Variants in EMID1 observed in about 807,000 individuals in gnomAD.
The protein encoded by EMID1 is EMI domain-containing protein 1.
In EMID1, 40 loss-of-function variants were observed where a neutral mutation model predicts 60.6. The observed-to-expected ratio is 0.66, with a 90% confidence interval of 0.51 to 0.86. EMID1 has a LOEUF of 0.86. EMID1 is among the 40% of genes least tolerant of loss of function. EMID1 has a pLI of 0.00. For missense variants in EMID1, 585 were observed against 597.1 expected (o/e 0.98, Z 0.21); for synonymous variants, 242 against 231.0 (o/e 1.05, Z -0.43).
At chr22:29,229,832 T>C (rs1227563850) in intron 5 of EMID1, among the ~76,000 whole-genome samples, 1 of 152,186 alleles carries the variant, frequency 6.6e-6, no homozygotes, top group Non-Finnish European at 1.5e-5. Flanking sequence ...TGGTTCAGGA[T>C]CTGCCAGAGA....
intron 4 of EMID1, among the ~76,000 whole-genome samples, 166 bp downstream of exon 4, chr22:29,225,382 C>T (rs2040465917): frequency 6.6e-6 from 1 of 152,200 alleles, no homozygotes; most frequent in South Asian, 2.1e-4. Context: ...AAAGTTGCTT[C>T]AAGGGGCACA....
Position 29,225,222 on chromosome 22 carries a change from T to G in EMID1, c.403+6T>G. 6.2e-7 allele frequency: 1 copy of G among 1,613,126 alleles called. No homozygotes were observed. Among genetic ancestry groups the G allele is most frequent in the Non-Finnish European group, 8.5e-7 (1 of 1,179,710 alleles). On this transcript the variant is annotated splice_donor_region_variant and intron_variant, in intron 4 of 14. Transcript: ENST00000334018. ...TCGGCCCACAGCCTTCTCAGGTGGG[T>G]CCTGGGATAGCTTCTTGAGGTCCCC...
At chr22:29,231,844 A>G in intron 7 of EMID1, 162 bp downstream of exon 7, 1 of 646,852 alleles carries the variant, frequency 1.5e-6, no homozygotes, top group Non-Finnish European at 2.5e-6. Flanking sequence ...CCTGGGCTCC[A>G]TGAAGTCCTC....
intron 13 of EMID1, among the ~76,000 whole-genome samples, chr22:29,244,662 GAAAAT>G (rs1472019358): frequency 5.5e-5 from 8 of 145,416 alleles, no homozygotes; most frequent in East Asian, 2.1e-4. Flanking sequence ...GAAAAGAAAA[GAAAAT>G]AGAAACCTTC....
rs1373393157 is a variant in EMID1 at position 29,214,902 on chromosome 22, T to A, written c.102-24T>A. ...AGGGGACCCTGTGTGGTACCTGAGT[T>A]TCCTCTCTTTGGGTCTGTTTCAGGA... is the stretch of plus-strand genomic sequence containing the variant. On this transcript the variant is annotated intron_variant, in intron 1 of 14. Transcript: ENST00000334018. The A allele has an allele frequency of 2.0e-6, 3 of 1,487,790 alleles. No homozygotes were observed. In the African/African-American group the frequency reaches 4.2e-5, roughly 21 times the overall value. The allele number at this position is 1,487,790 out of a possible 1,614,324, so 92.2% of individuals were successfully genotyped here.
chr22:29,259,099 C>A lies in EMID1; in HGVS notation c.*155C>A. 1 of 1,164,970 alleles carries A rather than the reference C, an allele frequency of 8.6e-7. No individual in the cohort carries two copies. Among genetic ancestry groups the A allele is most frequent in the Non-Finnish European group, 1.2e-6 (1 of 845,452 alleles). 72.2% of individuals were successfully genotyped at this position (1,164,970 alleles called of 1,614,324 possible). A position where few individuals can be genotyped will look rare whatever the true frequency, so the allele number is the denominator to read the frequency against. On this transcript the variant is annotated 3_prime_UTR_variant, in exon 15 of 15. Coordinates refer to ENST00000334018, the MANE Select transcript of EMID1 (RefSeq NM_133455.4). Reference sequence around the variant, plus strand: ...AGGGGTAAGCAGGTCTCAGTCCTGGCACCATGCACATGTCTGAGGCTGAGC... The same window carrying A: ...AGGGGTAAGCAGGTCTCAGTCCTGGAACCATGCACATGTCTGAGGCTGAGC...
Position 29,215,019 on chromosome 22 carries a change from C to T in EMID1, c.195C>T (p.Pro65=), listed in dbSNP as rs2146143120. The change falls in exon 2 of 15, where the codon CCC becomes CCT. Residue 65 remains proline (P), a synonymous_variant. Transcript: ENST00000334018. Reference sequence around the variant, plus strand: ...GAGTGCTGCAGAACTGCCCCTGGCCCATGAGCTGTCCGGGGAGCAGGTAAA... The same window carrying T: ...GAGTGCTGCAGAACTGCCCCTGGCCTATGAGCTGTCCGGGGAGCAGGTAAA... ...LQRVLQNCPW[P]MSCPGSSYRT... 3.9e-6 allele frequency: 6 copies of T among 1,546,326 alleles called. No individual in the cohort carries two copies. The South Asian group carries it at 6.0e-5, about 15-fold the overall frequency.
chr22:29,248,586 A>G (rs2041413493), intron 13 of EMID1, among the ~76,000 whole-genome samples: 1 of 152,144 alleles, frequency 6.6e-6, no homozygotes, highest in African/African-American at 2.4e-5. Flanking sequence ...GCTCACATCT[A>G]TAATCCCAGC....
At chr22:29,241,661 T>A (rs1372977236) in intron 12 of EMID1, among the ~76,000 whole-genome samples, 1 of 152,096 alleles carries the variant, frequency 6.6e-6, no homozygotes, top group Non-Finnish European at 1.5e-5. Flanking sequence ...AGCACTGGGA[T>A]TACAGGCGTG....
At chr22:29,208,065 C>A (rs1255360724) in intron 1 of EMID1, among the ~76,000 whole-genome samples, 2 of 152,190 alleles carry the variant, frequency 1.3e-5, no homozygotes, top group East Asian at 3.9e-4. Context: ...CCGGGCCTCA[C>A]CTGCAGTGGT....
chr22:29,205,944 G>A lies in EMID1; in HGVS notation c.-95G>A, dbSNP rs1320178101. ...CGGAGCTGGAAACCGGGCTCCGCGC[G>A]TCCGGGGCGGCTGGCGGCGCGGGCA... On this transcript the variant is annotated 5_prime_UTR_variant, in exon 1 of 15. Transcript: ENST00000334018. The A allele has an allele frequency of 1.4e-6, 1 of 715,530 alleles. No homozygotes were observed. Among genetic ancestry groups the A allele is most frequent in the South Asian group, 6.2e-5 (1 of 16,100 alleles). 44.3% of individuals were successfully genotyped at this position (715,530 alleles called of 1,614,324 possible). A position where few individuals can be genotyped will look rare whatever the true frequency, so the allele number is the denominator to read the frequency against.
chr22:29,221,438 G>A (rs974541547), intron 3 of EMID1, among the ~76,000 whole-genome samples: 7 of 152,066 alleles, frequency 4.6e-5, no homozygotes, highest in Non-Finnish European at 8.8e-5. Flanking sequence ...GCAGTGGCGC[G>A]ATCTCGGCTC....
chr22:29,210,636 G>A (rs1373215968), intron 1 of EMID1, among the ~76,000 whole-genome samples: 4 of 152,106 alleles, frequency 2.6e-5, no homozygotes, highest in South Asian at 2.1e-4. Context: ...GAGCTGAAAC[G>A]ATCCTCATCT....
intron 14 of EMID1, chr22:29,255,462 C>G: frequency 1.1e-6 from 1 of 875,384 alleles, no homozygotes; most frequent in Middle Eastern, 3.7e-4. Context: ...CCCAGGCCAG[C>G]GGACACTCAT....
intron 12 of EMID1, among the ~76,000 whole-genome samples, chr22:29,235,116 G>A (rs2040894069): frequency 6.6e-6 from 1 of 152,160 alleles, no homozygotes; most frequent in Non-Finnish European, 1.5e-5. Context: ...GGGGGGCTGA[G>A]ACGGGTGGAT....
In EMID1 at chr22:29,231,415, G is replaced by T. The variant is rs1446960150; in HGVS notation, c.587-178G>T. 5 of 824,492 alleles carry T rather than the reference G, an allele frequency of 6.1e-6. No individual in the cohort carries two copies. In the African/African-American group the frequency reaches 6.8e-5, roughly 11 times the overall value. 51.1% of individuals were successfully genotyped at this position (824,492 alleles called of 1,614,324 possible). ...TTCTGGATGAGCCTCCCTCCTCCAGGCCCAGCAGGGACACTGACCTCTGCC... is the reference window on the plus strand; with the variant it reads ...TTCTGGATGAGCCTCCCTCCTCCAGTCCCAGCAGGGACACTGACCTCTGCC... On this transcript the variant is annotated intron_variant, in intron 6 of 14. Transcript: ENST00000334018.
intron 3 of EMID1, among the ~76,000 whole-genome samples, chr22:29,220,572 G>T (rs967434449): frequency 6.6e-6 from 1 of 152,134 alleles, no homozygotes; most frequent in Non-Finnish European, 1.5e-5. Context: ...GATCTCGGGG[G>T]TCGGTTGTGA....
intron 5 of EMID1, among the ~76,000 whole-genome samples, chr22:29,230,724 A>C (rs1034665957): frequency 2.6e-5 from 4 of 152,162 alleles, no homozygotes; most frequent in East Asian, 1.9e-4. Context: ...GGCTGAGGCA[A>C]GATGATTGCT....
intron 13 of EMID1, among the ~76,000 whole-genome samples, chr22:29,247,812 G>T (rs59168121): frequency 6.6e-6 from 1 of 151,848 alleles, no homozygotes; most frequent in African/African-American, 2.4e-5. Context: ...TGTATTTTTA[G>T]TAGAGACGGG....
Sources: allele counts gnomAD v4.1 joint callset (sites outside exome capture counted in the v4.1 genomes callset), GRCh38; gene constraint gnomAD v4.1.1; transcripts MANE v1.5; gene names NCBI Gene and HGNC (gene_info 2026-07-23, HGNC 2026-07-21).